Variants in ZPLD1 observed in about 807,000 individuals in gnomAD.
The protein encoded by ZPLD1 is zona pellucida like domain containing 1.
In ZPLD1, 34 loss-of-function variants were observed where a neutral mutation model predicts 47.2. The observed-to-expected ratio is 0.72, with a 90% CI of 0.55 to 0.96. The LOEUF is 0.96. ZPLD1 is among the 40% of genes least tolerant of loss of function. ZPLD1 has a pLI of 0.00. For missense variants in ZPLD1, 512 were observed against 505.8 expected, an observed-to-expected ratio of 1.01 and a Z score of -0.12; for synonymous variants, 176 against 186.2, an observed-to-expected ratio of 0.95 and a Z score of 0.45.
chr3:102,459,425 C>G (rs574735711), intron 6 of ZPLD1, among the ~76,000 whole-genome samples: 1 of 152,136 alleles, frequency 6.6e-6, no homozygotes, highest in East Asian at 1.9e-4. Context: ...AAACTATTCT[C>G]TCACTGAAAT....
intron 7 of ZPLD1, among the ~76,000 whole-genome samples, chr3:102,397,260 A>C (rs1408579492): frequency 6.6e-6 from 1 of 152,176 alleles, no homozygotes; most frequent in East Asian, 1.9e-4. Context: ...AATGCTGTGC[A>C]ATGGGGAGAG....
chr3:102,447,570 G>A (rs1293834714), intron 3 of ZPLD1, among the ~76,000 whole-genome samples: 1 of 152,070 alleles, frequency 6.6e-6, no homozygotes, highest in Non-Finnish European at 1.5e-5. Flanking sequence ...TTATTAATCT[G>A]TACTCATTAT....
At chr3:102,387,419 C>A (rs1405739361) in intron 6 of ZPLD1, among the ~76,000 whole-genome samples, 1 of 152,122 alleles carries the variant, frequency 6.6e-6, no homozygotes, top group African/African-American at 2.4e-5. Context: ...TCTCCCATTT[C>A]TTCACCTCTT....
intron 3 of ZPLD1, among the ~76,000 whole-genome samples, chr3:102,448,907 G>A (rs1707296835): frequency 6.6e-6 from 1 of 152,186 alleles, no homozygotes; most frequent in Non-Finnish European, 1.5e-5. Context: ...ATCAAGGAGT[G>A]CAATGATACT....
At chr3:102,419,982 T>C (rs1706857661) in intron 8 of ZPLD1, among the ~76,000 whole-genome samples, 1 of 151,736 alleles carries the variant, frequency 6.6e-6, no homozygotes, top group Non-Finnish European at 1.5e-5. Flanking sequence ...TTTGCTGTGT[T>C]TGTCTTCATT....
chr3:102,394,650 C>T (rs947358744), intron 7 of ZPLD1, among the ~76,000 whole-genome samples: 1 of 152,084 alleles, frequency 6.6e-6, no homozygotes, highest in Non-Finnish European at 1.5e-5. Context: ...GTAAAATTAG[C>T]CAGAATTATG....
intron 6 of ZPLD1, among the ~76,000 whole-genome samples, 165 bp from the exon 7 acceptor site, chr3:102,462,116 C>A (rs906235584): frequency 6.6e-6 from 1 of 152,034 alleles, no homozygotes; most frequent in East Asian, 1.9e-4. Context: ...GGCTTAATAA[C>A]AGTTCTGCCA....
At chr3:102,394,321 C>T (rs1706533650) in intron 7 of ZPLD1, among the ~76,000 whole-genome samples, 1 of 152,140 alleles carries the variant, frequency 6.6e-6, no homozygotes, top group African/African-American at 2.4e-5. Flanking sequence ...TCAAGGATCT[C>T]ATAATAACAT....
At chr3:102,440,371 G>T (rs905662817) in intron 3 of ZPLD1, among the ~76,000 whole-genome samples, 1 of 152,136 alleles carries the variant, frequency 6.6e-6, no homozygotes, top group African/African-American at 2.4e-5. Flanking sequence ...GGTAGACTCA[G>T]CAGAAATGGA....
At chr3:102,467,970 A>T (rs1028672137) in intron 8 of ZPLD1, among the ~76,000 whole-genome samples, 1 of 152,096 alleles carries the variant, frequency 6.6e-6, no homozygotes, top group African/African-American at 2.4e-5. Flanking sequence ...AACTCATAAG[A>T]ATCAGAAAGA....
chr3:102,448,094 A>C (rs1163269716), intron 3 of ZPLD1, among the ~76,000 whole-genome samples: 1 of 152,214 alleles, frequency 6.6e-6, no homozygotes, highest in Admixed American at 6.5e-5. Flanking sequence ...CAGGGTACAG[A>C]ACATTATTTT....
rs945978241 is a variant in ZPLD1, at chr3:102,474,686, A to G, written c.1043-2326A>G. Among the ~76,000 whole-genome samples the G allele has an allele frequency of 2.0e-5, 3 of 152,150 alleles. No homozygotes were observed. In the South Asian group the frequency reaches 6.2e-4, roughly 32 times the overall value. Reference sequence around the variant, plus strand: ...CATTTTTAAAATTATTATTTCAACTACTTACATGAGAAAGCAGAGAATGAC... The same window carrying G: ...CATTTTTAAAATTATTATTTCAACTGCTTACATGAGAAAGCAGAGAATGAC... On this transcript the variant is annotated intron_variant, in intron 10 of 11. Transcript: ENST00000466937.
chr3:102,454,944 A>G lies in ZPLD1; in HGVS notation c.328-1249A>G, dbSNP rs192461013. On this transcript the variant is annotated intron_variant, in intron 4 of 11. Coordinates refer to ENST00000466937, the MANE Select transcript of ZPLD1 (RefSeq NM_001329788.2). The stretch of plus-strand genomic sequence containing the variant: ...GTTGGTTTAGCTATCAAATAAAGCA[A>G]GTAGTGGGAGGAGGGGAAGATTTGC... Among the ~76,000 whole-genome samples the G allele has an allele frequency of 3.3e-5, 5 of 152,328 alleles. No individual in the cohort carries two copies. In the East Asian group the frequency reaches 9.6e-4, roughly 29 times the overall value.
At chr3:102,401,798 T>C (rs1309818397) in intron 7 of ZPLD1, among the ~76,000 whole-genome samples, 1 of 152,112 alleles carries the variant, frequency 6.6e-6, no homozygotes, top group African/African-American at 2.4e-5. Context: ...TAGGATTATT[T>C]AAATTCTTAA....
intron 7 of ZPLD1, among the ~76,000 whole-genome samples, chr3:102,403,714 T>G (rs1706650406): frequency 6.6e-6 from 1 of 152,070 alleles, no homozygotes; most frequent in South Asian, 2.1e-4. Context: ...ACTGTGGAAG[T>G]TGAAGTCACA....
chr3:102,470,288 A>C (rs1707660261), intron 9 of ZPLD1, 106 bp from the exon 10 acceptor site: 1 of 778,828 alleles, frequency 1.3e-6, no homozygotes, highest in Non-Finnish European at 2.1e-6. Flanking sequence ...AAATGAATAA[A>C]ATTAAACATG....
At chr3:102,462,196 TTC>T in intron 6 of ZPLD1, 83 bp from the exon 7 acceptor site, 1 of 775,660 alleles carries the variant, frequency 1.3e-6, no homozygotes, top group Non-Finnish European at 2.0e-6. Flanking sequence ...ACTTTCTTTT[TTC>T]TCTCTCTAAT....
chr3:102,407,623 T>C (rs1241774834), intron 7 of ZPLD1, among the ~76,000 whole-genome samples: 2 of 151,270 alleles, frequency 1.3e-5, no homozygotes, highest in Non-Finnish European at 1.5e-5. Context: ...TATTTTGCTA[T>C]TTACTAGAAA....
intron 7 of ZPLD1, among the ~76,000 whole-genome samples, chr3:102,400,190 A>T (rs1331828235): frequency 6.6e-6 from 1 of 152,112 alleles, no homozygotes; most frequent in Non-Finnish European, 1.5e-5. Flanking sequence ...TAAGGTAGTC[A>T]TGATGTGTAG....
Sources: allele counts gnomAD v4.1 joint callset (sites outside exome capture counted in the v4.1 genomes callset), GRCh38; gene constraint gnomAD v4.1.1; transcripts MANE v1.5; gene names NCBI Gene and HGNC (gene_info 2026-07-23, HGNC 2026-07-21).